RYR1: variants seen among roughly 807,000 people sequenced by gnomAD.
RYR1 encodes central core disease of muscle.
RYR1 carries 342 observed loss-of-function variants against 583.5 expected under a neutral mutation model. That is an observed-to-expected ratio of 0.59 (90% CI 0.54 to 0.64). The LOEUF (loss-of-function observed/expected upper bound fraction) is 0.64. Among genes scored for constraint, RYR1 ranks in the 30% least tolerant of loss-of-function variants. RYR1 has a pLI of 0.00. For synonymous variants in RYR1, 2,791 were observed against 2,822.5 expected, an observed-to-expected ratio of 0.99 and a Z score of 0.35; for missense variants, 6,032 against 6,917.2, an observed-to-expected ratio of 0.87 and a Z score of 4.54.
chr19:38,506,536 G>A lies in RYR1; in HGVS notation c.8682G>A (p.Leu2894=), dbSNP rs759923752. 1.9e-6 allele frequency: 3 copies of A among 1,613,986 alleles called. No homozygotes were observed. Among genetic ancestry groups the A allele is most frequent in the Non-Finnish European group, 2.5e-6 (3 of 1,179,974 alleles). Residue 2894 remains leucine, a synonymous_variant, in exon 56 of 106, where the codon CTG becomes CTA. Transcript: ENST00000359596. ...NTWGRKKKQE[L]EAKGGGTHPL... The stretch of plus-strand genomic sequence containing the variant: ...GGGGACGGAAGAAGAAGCAGGAGCT[G>A]GAAGCCAAAGGTGAGGGCGCCCATG...
At position 38,466,080 on chromosome 19, in the gene RYR1, C is replaced by T; in HGVS notation, c.2871-11C>T. 1.2e-6 allele frequency: 2 copies of T among 1,602,726 alleles called. No homozygotes were observed. The highest frequency in any genetic ancestry group is 1.7e-6 in the Non-Finnish European group (2 of 1,175,374). ...AGGGCCTTGTCCCATGGAGCCCTAC[C>T]ATGCCCGCAGGTATATGATGAGCAA... On this transcript the variant is annotated splice_polypyrimidine_tract_variant and intron_variant, in intron 23 of 105. Coordinates refer to ENST00000359596, the MANE Select transcript of RYR1 (RefSeq NM_000540.3).
At chr19:38,572,988 C>CGT (rs1467766087) in intron 95 of RYR1, among the ~76,000 whole-genome samples, 189 bp from the exon 96 acceptor site, 6 of 151,714 alleles carry the variant, frequency 4.0e-5, no homozygotes, top group Non-Finnish European at 8.8e-5. Context: ...TGCCCTGACC[C>CGT]CTCTGCCCAT....
rs755786200 is a variant in RYR1 at position 38,517,351 on chromosome 19, T to C, written c.9686-8T>C. The C allele has an allele frequency of 1.6e-5, 25 of 1,612,496 alleles. No homozygotes were observed. The highest frequency in any genetic ancestry group is 1.8e-5 in the Non-Finnish European group (21 of 1,179,930). ...TTGACATTCCCTGCCCCCGTCCCTG[T>C]ACCCCAGTCCTGGGGCTCCCCAACA... On this transcript the variant is annotated splice_polypyrimidine_tract_variant and splice_region_variant and intron_variant, in intron 65 of 105. Transcript: ENST00000359596.
At chr19:38,520,693 C>CAAAAAAAAAAAAAAAAAAAAAAAAAAAAA (rs71165555) in intron 67 of RYR1, among the ~76,000 whole-genome samples, 5 of 46,904 alleles carry the variant, frequency 1.1e-4, no homozygotes, top group African/African-American at 2.2e-4. Flanking sequence ...GGCTCCACCT[C>CAAAAAAAAAAAAAAAAAAAAAAAAAAAAA]AAAAAAAAAA....
chr19:38,546,066 C>T (rs1449717704), intron 87 of RYR1, among the ~76,000 whole-genome samples: 2 of 152,084 alleles, frequency 1.3e-5, no homozygotes, highest in Non-Finnish European at 2.9e-5. Flanking sequence ...CTGTCAATCC[C>T]ACCGTAGGCC....
Position 38,561,178 on chromosome 19 carries a change from G to C in RYR1, c.12348G>C (p.Ala4116=). 6.2e-7 allele frequency: 1 copy of C among 1,614,172 alleles called. No individual in the cohort carries two copies. Among genetic ancestry groups the C allele is most frequent in the East Asian group, 2.2e-5 (1 of 44,890 alleles). Residue 4116 remains alanine (A), a synonymous_variant, in exon 90 of 106, where the codon GCG becomes GCC. Coordinates refer to ENST00000359596, the MANE Select transcript of RYR1 (RefSeq NM_000540.3). This position sits in a 1 kb window ranked among gnomAD's most constrained non-coding sequence, Gnocchi z 4.8. ...EIQFLLSCSE[A]DENEMINCEE... ...AGTTCCTGCTTTCGTGCTCCGAAGC[G>C]GATGAGAACGAAATGATCAACTGCG...
At chr19:38,506,421 G>A (rs1199525374) in intron 55 of RYR1, 44 bp downstream of exon 55, 9 of 1,613,646 alleles carry the variant, frequency 5.6e-6, no homozygotes, top group Non-Finnish European at 7.6e-6. Flanking sequence ...GTGTCTTTGG[G>A]GGGGCTGGCA....
chr19:38,519,539 C>T, intron 67 of RYR1, 85 bp downstream of exon 67: 1 of 1,456,614 alleles, frequency 6.9e-7, no homozygotes, highest in Admixed American at 2.0e-5. Flanking sequence ...TCCTGACTGG[C>T]TAGAAACTTC....
chr19:38,459,177 G>C lies in RYR1; in HGVS notation c.2199G>C (p.Gly733=), dbSNP rs749285937. The C allele has an allele frequency of 8.1e-6, 13 of 1,613,776 alleles. No individual in the cohort carries two copies. Among genetic ancestry groups the C allele is most frequent in the African/African-American group, 6.7e-5 (5 of 74,914 alleles). The change falls in exon 19 of 106, where the codon GGG becomes GGC. Residue 733 remains glycine (G), a synonymous_variant. Transcript: ENST00000359596. The stretch of plus-strand genomic sequence containing the variant: ...TGGCACGCCCAGTGACTTCCCCAGG[G>C]CAGCACCTCCTGGCCCCTGAAGACG... ...GHVARPVTSP[G]QHLLAPEDVI...
chr19:38,552,984 T>C (rs1285190254), intron 89 of RYR1, among the ~76,000 whole-genome samples: 1 of 152,208 alleles, frequency 6.6e-6, no homozygotes, highest in Non-Finnish European at 1.5e-5. Flanking sequence ...AATCTGCAAC[T>C]GGGAAAAGTG....
At chr19:38,517,289 G>C in intron 65 of RYR1, 70 bp from the exon 66 acceptor site, 7 of 1,493,190 alleles carry the variant, frequency 4.7e-6, no homozygotes, top group Non-Finnish European at 6.4e-6. Context: ...GATGTATTGC[G>C]GGGGAGGCCA....
chr19:38,571,944 G>A (rs1435783426), intron 94 of RYR1, 75 bp from the exon 95 acceptor site: 6 of 1,606,732 alleles, frequency 3.7e-6, no homozygotes, highest in Admixed American at 3.3e-5. Flanking sequence ...GTCCAATCTC[G>A]GGAATGGAGG....
At position 38,543,500 on chromosome 19, in the gene RYR1, G is replaced by C. The variant is rs1349465289; in HGVS notation, c.11779-32G>C. The C allele has an allele frequency of 6.2e-7, 1 of 1,613,996 alleles. No individual in the cohort carries two copies. Among genetic ancestry groups the C allele is most frequent in the Admixed American group, 1.7e-5 (1 of 59,998 alleles). ...GGCTGCAGGGCCATGGTCGGCCCCA[G>C]CACCCCCTCACACCCTACCCGCCCC... On this transcript the variant is annotated intron_variant, in intron 85 of 105. Transcript: ENST00000359596. This position sits in a 1 kb window ranked among gnomAD's most constrained non-coding sequence, Gnocchi z 4.4.
At chr19:38,527,887 T>C (rs1971543923) in intron 73 of RYR1, 103 bp downstream of exon 73, 52 of 1,418,128 alleles carry the variant, frequency 3.7e-5, no homozygotes, top group Middle Eastern at 2.4e-4. Flanking sequence ...ACTATTAAGT[T>C]TTGGGGCAGG....
rs538748913 is a variant in RYR1 at position 38,468,921 on chromosome 19, T to C, written c.3382-45T>C. The C allele has an allele frequency of 1.8e-5, 28 of 1,599,466 alleles. No homozygotes were observed. In the South Asian group the frequency reaches 2.9e-4, roughly 16 times the overall value. ...CCCTGCTTCCTTATCTCTCCATTTC[T>C]CTGTGTGTCTCCCCACACCATGTCT... On this transcript the variant is annotated intron_variant, in intron 25 of 105. Transcript: ENST00000359596.
In RYR1 at chr19:38,575,092, A is replaced by G. The variant is rs925184951; in HGVS notation, c.14130-827A>G. Among the ~76,000 whole-genome samples, 13 of 152,074 alleles carry G rather than the reference A, an allele frequency of 8.5e-5. No individual in the cohort carries two copies. In the East Asian group the frequency reaches 9.6e-4, roughly 11 times the overall value. The stretch of plus-strand genomic sequence containing the variant: ...CATATTTGAGGATGTTAGGGCATCA[A>G]TTTGTCACTTGGAAAACTGGTGAAT... On this transcript the variant is annotated intron_variant, in intron 96 of 105. Transcript: ENST00000359596.
At chr19:38,524,763 G>A (rs970934984) in intron 70 of RYR1, among the ~76,000 whole-genome samples, 7 of 152,062 alleles carry the variant, frequency 4.6e-5, no homozygotes, top group Non-Finnish European at 2.9e-5. Flanking sequence ...TTCTCTTGTC[G>A]CTTGAACTCT....
At chr19:38,449,071 GGA>G (rs143389189) in intron 11 of RYR1, among the ~76,000 whole-genome samples, 19 of 150,846 alleles carry the variant, frequency 1.3e-4, no homozygotes, top group Non-Finnish European at 1.8e-4. Context: ...ATATCTACAT[GGA>G]GAGAGAGAGA....
In RYR1 at chr19:38,573,289, G is replaced by A. The variant is rs1341205179; in HGVS notation, c.14111G>A (p.Arg4704Gln). ...EDDDVKGQWD[R>Q]LVLNTPSFPS... ...GATGACGTGAAGGGGCAGTGGGACC[G>A]ACTGGTGCTCAACACGCCGTAAGGA... The change falls in exon 96 of 106, where the codon CGA becomes CAA. Residue 4704 changes from arginine to glutamine, a missense_variant. Physicochemically the swap from Arg to Gln is conservative, Grantham distance 43. This residue lies in a region of RYR1 where 188 missense variants were observed against 215.6 expected (regional missense o/e 0.87). Transcript: ENST00000359596. The A allele has an allele frequency of 1.2e-6, 2 of 1,613,640 alleles. No individual in the cohort carries two copies. The highest frequency in any genetic ancestry group is 1.1e-5 in the South Asian group (1 of 91,034).
Sources: allele counts gnomAD v4.1 joint callset (sites outside exome capture counted in the v4.1 genomes callset), GRCh38; gene constraint gnomAD v4.1.1; regional missense constraint gnomAD v4.1.1; non-coding constraint Gnocchi (gnomAD v3.1); transcripts MANE v1.5; gene names NCBI Gene and HGNC (gene_info 2026-07-23, HGNC 2026-07-21).